The following PRICKLE2 variants were observed in gnomAD, a reference collection of about 807,000 sequenced individuals.
PRICKLE2 encodes the protein prickle-like protein 2.
Under a neutral mutation model 81.4 loss-of-function variants are expected in PRICKLE2, and 21 were observed. The observed-to-expected ratio is 0.26, with a 90% CI of 0.18 to 0.37. The LOEUF (loss-of-function observed/expected upper bound fraction) is 0.37, where lower values mean the gene tolerates loss of function less well. Among genes scored for constraint, PRICKLE2 ranks in the 10% least tolerant of loss-of-function variants. The probability of loss-of-function intolerance (pLI) is 1.00; values close to 1 mark genes in which losing one functional copy is unlikely to be tolerated. For synonymous variants in PRICKLE2, 456 were observed against 421.5 expected (o/e 1.08, Z -1.00); for missense variants, 940 against 1,109.0 (o/e 0.85, Z 2.16).
intron 7 of PRICKLE2, among the ~76,000 whole-genome samples, chr3:64,109,449 A>T (rs2076808547): frequency 6.6e-6 from 1 of 152,170 alleles, no homozygotes. Flanking sequence ...TCAGCAGATC[A>T]CAAGTTGGCT....
chr3:64,159,887 G>C, intron 4 of PRICKLE2, 53 bp downstream of exon 4: 1 of 1,608,734 alleles, frequency 6.2e-7, no homozygotes, highest in Non-Finnish European at 8.5e-7. Context: ...ATGAATGAAT[G>C]GGTGAAAAGA....
intron 7 of PRICKLE2, among the ~76,000 whole-genome samples, chr3:64,145,003 C>A (rs940229132): frequency 6.6e-6 from 1 of 151,782 alleles, no homozygotes; most frequent in African/African-American, 2.4e-5. Flanking sequence ...CTTTAAGTAG[C>A]ACTATCACAG....
intron 2 of PRICKLE2, among the ~76,000 whole-genome samples, chr3:64,260,444 T>C (rs1206066880): frequency 6.6e-6 from 1 of 152,242 alleles, no homozygotes; most frequent in Admixed American, 6.5e-5. Flanking sequence ...TTCTTGCCCA[T>C]GGCAGACACT....
chr3:64,130,552 G>A (rs1362866695), intron 7 of PRICKLE2, among the ~76,000 whole-genome samples: 2 of 152,116 alleles, frequency 1.3e-5, no homozygotes, highest in Non-Finnish European at 2.9e-5. Context: ...GCTCATATAT[G>A]AGCTCTCTAT....
chr3:64,249,377 C>T (rs1344862118), intron 2 of PRICKLE2, among the ~76,000 whole-genome samples: 1 of 152,222 alleles, frequency 6.6e-6, no homozygotes, highest in Admixed American at 6.5e-5. Context: ...CTTCTCCCAA[C>T]ATGGGGGGAT....
At chr3:64,151,543 C>G (rs1163169296) in intron 6 of PRICKLE2, among the ~76,000 whole-genome samples, 3 of 152,128 alleles carry the variant, frequency 2.0e-5, no homozygotes, top group Non-Finnish European at 4.4e-5. Context: ...CTCTTAGCCT[C>G]CAAGGACAGA....
intron 2 of PRICKLE2, among the ~76,000 whole-genome samples, chr3:64,164,607 T>C (rs546184620): frequency 7.9e-5 from 12 of 152,320 alleles, no homozygotes; most frequent in African/African-American, 2.4e-4. Context: ...ATGGTAACCA[T>C]TAACCATCAT....
chr3:64,126,723 G>T (rs982374061), intron 7 of PRICKLE2, among the ~76,000 whole-genome samples: 1 of 152,106 alleles, frequency 6.6e-6, no homozygotes, highest in African/African-American at 2.4e-5. Flanking sequence ...GACTACAGGT[G>T]CACACCACTG....
chr3:64,202,171 G>A (rs1331255264), intron 1 of PRICKLE2, among the ~76,000 whole-genome samples: 1 of 152,128 alleles, frequency 6.6e-6, no homozygotes, highest in Non-Finnish European at 1.5e-5. Context: ...AAGTATATAT[G>A]AGTCAAGCAA....
chr3:64,193,491 T>C (rs539239369), intron 2 of PRICKLE2, among the ~76,000 whole-genome samples: 14 of 152,272 alleles, frequency 9.2e-5, no homozygotes, highest in African/African-American at 3.4e-4. Flanking sequence ...GATCGAAATA[T>C]ACTGATGCAG....
chr3:64,115,686 C>A (rs76079743), intron 7 of PRICKLE2, among the ~76,000 whole-genome samples: 1,858 of 152,224 alleles, frequency 0.012, 34 homozygotes, highest in African/African-American at 0.039. Context: ...CAGGAGCACC[C>A]AGATTCAAAA....
At chr3:64,199,413 A>T (rs963943824) in intron 1 of PRICKLE2, 1 of 173,136 alleles carries the variant, frequency 5.8e-6, no homozygotes, top group Non-Finnish European at 1.2e-5. Flanking sequence ...GCTTTTATAA[A>T]AGGTTCCTAA....
chr3:64,203,893 G>A (rs969356990), intron 1 of PRICKLE2, among the ~76,000 whole-genome samples: 7 of 151,716 alleles, frequency 4.6e-5, no homozygotes, highest in South Asian at 4.2e-4. Context: ...CACGAGAACC[G>A]CTTGAACCCA....
intron 2 of PRICKLE2, among the ~76,000 whole-genome samples, chr3:64,232,403 A>G (rs1029548794): frequency 1.3e-5 from 2 of 152,222 alleles, no homozygotes; most frequent in African/African-American, 4.8e-5. Context: ...TTATTCCTGT[A>G]AGAATACCTC....
At position 64,152,702 on chromosome 3, in the gene PRICKLE2, G is replaced by T. The variant is rs535275061; in HGVS notation, c.787+480C>A. ...AGATATCTGTTTAGATTTTCCTTCTGAGCTTCCCCCACTGCCCTGAGCCTC... is the reference window on the plus strand; with the variant it reads ...AGATATCTGTTTAGATTTTCCTTCTTAGCTTCCCCCACTGCCCTGAGCCTC... On this transcript the variant is annotated intron_variant, in intron 6 of 7. Transcript: ENST00000638394. Among the ~76,000 whole-genome samples the T allele has an allele frequency of 1.4e-3, 214 of 152,170 alleles. 1 individual carries two copies. Among genetic ancestry groups the T allele is most frequent in the Non-Finnish European group, 1.9e-3 (129 of 68,010 alleles).
intron 2 of PRICKLE2, among the ~76,000 whole-genome samples, chr3:64,238,902 G>A (rs765591992): frequency 1.3e-5 from 2 of 152,132 alleles, no homozygotes; most frequent in Non-Finnish European, 2.9e-5. Flanking sequence ...CCTCTGATTT[G>A]AGTGGCCATC....
chr3:64,255,469 C>G (rs1291855415), intron 2 of PRICKLE2, among the ~76,000 whole-genome samples: 2 of 152,126 alleles, frequency 1.3e-5, no homozygotes, highest in Non-Finnish European at 1.5e-5. Context: ...TTATACAAAT[C>G]AAGACCACAC....
rs1347827580 is a variant in PRICKLE2, at chr3:64,195,435, C to A, written c.144+3349G>T. ...GTATCACCTGAAGGTATATTACCAA[C>A]CTACGACCTGGGAGTGAAATGAAAG... On this transcript the variant is annotated intron_variant, in intron 2 of 7. Transcript: ENST00000638394. Among the ~76,000 whole-genome samples, 7 of 152,276 alleles carry A rather than the reference C, an allele frequency of 4.6e-5. No individual in the cohort carries two copies. The East Asian group carries it at 9.6e-4, about 21-fold the overall frequency.
At chr3:64,124,007 C>A (rs1251917871) in intron 7 of PRICKLE2, among the ~76,000 whole-genome samples, 2 of 152,146 alleles carry the variant, frequency 1.3e-5, no homozygotes, top group Non-Finnish European at 2.9e-5. Context: ...CAAGACAGGC[C>A]AAAAGCTAGG....
Sources: allele counts gnomAD v4.1 joint callset (sites outside exome capture counted in the v4.1 genomes callset), GRCh38; gene constraint gnomAD v4.1.1; transcripts MANE v1.5; gene names NCBI Gene and HGNC (gene_info 2026-07-23, HGNC 2026-07-21).